Variants in NLGN1 observed in about 807,000 individuals in gnomAD.
NLGN1 encodes neuroligin 1.
A neutral mutation model predicts 65.5 loss-of-function variants in NLGN1; 12 were observed. The observed-to-expected ratio is 0.18, with a 90% CI of 0.12 to 0.30. The LOEUF (loss-of-function observed/expected upper bound fraction) is 0.30. NLGN1 is among the 10% of genes least tolerant of loss of function. The pLI is 1.00. For missense variants in NLGN1, 750 were observed against 1,007.1 expected, an observed-to-expected ratio of 0.74 and a Z score of 3.46; for synonymous variants, 350 against 359.5, an observed-to-expected ratio of 0.97 and a Z score of 0.30.
At chr3:174,027,105 G>A (rs1283621799) in intron 4 of NLGN1, among the ~76,000 whole-genome samples, 1 of 150,398 alleles carries the variant, frequency 6.6e-6, no homozygotes, top group African/African-American at 2.4e-5. Flanking sequence ...AAAAAAAGCA[G>A]TAAAAATAGA....
rs1057054450 is a variant in NLGN1, at chr3:173,521,959, G to T, written c.-320-82320G>T. Among the ~76,000 whole-genome samples the T allele has an allele frequency of 5.3e-5, 8 of 152,168 alleles. No homozygotes were observed. In the South Asian group the frequency reaches 1.7e-3, roughly 32 times the overall value. On this transcript the variant is annotated intron_variant, in intron 2 of 6. Coordinates refer to ENST00000457714, the Ensembl canonical transcript of NLGN1. ...ATTAAATTACATTTTATATTCAGGG[G>T]TTACATGTTCAGGTTATAACCATAG...
intron 4 of NLGN1, among the ~76,000 whole-genome samples, chr3:173,867,914 A>C (rs569268710): frequency 1.2e-4 from 18 of 152,288 alleles, no homozygotes; most frequent in Non-Finnish European, 2.2e-4. Flanking sequence ...CTTGCTCTAG[A>C]TATAACAGCT....
intron 4 of NLGN1, among the ~76,000 whole-genome samples, chr3:174,125,963 A>G (rs780908579): frequency 6.6e-6 from 1 of 152,136 alleles, no homozygotes; most frequent in Non-Finnish European, 1.5e-5. Context: ...ATCATGCAAG[A>G]CCTTTTACAT....
At chr3:173,602,131 A>T (rs28557413) in intron 2 of NLGN1, among the ~76,000 whole-genome samples, 1 of 151,966 alleles carries the variant, frequency 6.6e-6, no homozygotes, top group African/African-American at 2.4e-5. Flanking sequence ...GTTCCTCATG[A>T]GTAAGAAGGG....
At chr3:173,982,266 T>C (rs988865216) in intron 4 of NLGN1, among the ~76,000 whole-genome samples, 3 of 152,104 alleles carry the variant, frequency 2.0e-5, no homozygotes, top group Non-Finnish European at 4.4e-5. Flanking sequence ...TAAAAGAAAA[T>C]ACTTAATTCT....
intron 4 of NLGN1, among the ~76,000 whole-genome samples, chr3:174,134,599 AGGCTGAAGCAT>A (rs1720862849): frequency 6.6e-6 from 1 of 152,154 alleles, no homozygotes; most frequent in South Asian, 2.1e-4. Flanking sequence ...TTACATGAAG[AGGCTGAAGCAT>A]GTGAAGTAGT....
At chr3:174,094,425 C>T (rs970177652) in intron 4 of NLGN1, among the ~76,000 whole-genome samples, 2 of 151,808 alleles carry the variant, frequency 1.3e-5, no homozygotes, top group African/African-American at 4.8e-5. Flanking sequence ...TGTGGCTCAA[C>T]ACAAATTCGT....
chr3:173,577,661 G>A (rs1412991017), intron 2 of NLGN1, among the ~76,000 whole-genome samples: 1 of 152,130 alleles, frequency 6.6e-6, no homozygotes, highest in Non-Finnish European at 1.5e-5. Flanking sequence ...TTGTCATTCT[G>A]TTTAACTAAA....
At position 173,646,292 on chromosome 3, in the gene NLGN1, T is replaced by A. The variant is rs1502491; in HGVS notation, c.493+41201T>A. Among the ~76,000 whole-genome samples, 974 of 152,304 alleles carry A rather than the reference T, an allele frequency of 6.4e-3. 14 individuals carry two copies. Among genetic ancestry groups the A allele is most frequent in the African/African-American group, 0.022 (928 of 41,554 alleles). Reference sequence around the variant, plus strand: ...AAGACCTTTTGGAGGCTGGAATAATTAATCACCAGTAGAAAGTAGGACTAA... The same window carrying A: ...AAGACCTTTTGGAGGCTGGAATAATAAATCACCAGTAGAAAGTAGGACTAA... On this transcript the variant is annotated intron_variant, in intron 3 of 6. Transcript: ENST00000457714.
At chr3:174,194,263 C>T (rs1222610450) in intron 4 of NLGN1, among the ~76,000 whole-genome samples, 1 of 151,970 alleles carries the variant, frequency 6.6e-6, no homozygotes, top group Non-Finnish European at 1.5e-5. Context: ...TCAAGACCAT[C>T]CTAGCCAACA....
intron 3 of NLGN1, among the ~76,000 whole-genome samples, chr3:173,736,899 G>A (rs1168930080): frequency 6.6e-6 from 1 of 151,934 alleles, no homozygotes; most frequent in African/African-American, 2.4e-5. Flanking sequence ...TTAATTATGA[G>A]CAATATTGGT....
At chr3:173,813,266 G>A (rs1032695963) in intron 4 of NLGN1, among the ~76,000 whole-genome samples, 2 of 152,018 alleles carry the variant, frequency 1.3e-5, no homozygotes, top group African/African-American at 4.8e-5. Flanking sequence ...GTTTCTGTCT[G>A]ACTCTTTCAA....
intron 4 of NLGN1, among the ~76,000 whole-genome samples, chr3:173,969,330 A>G (rs1025116882): frequency 6.6e-6 from 1 of 152,164 alleles, no homozygotes; most frequent in Non-Finnish European, 1.5e-5. Context: ...TCCTAGTACT[A>G]AATTCTAAAT....
intron 4 of NLGN1, among the ~76,000 whole-genome samples, chr3:173,932,847 C>T (rs1385526355): frequency 6.6e-6 from 1 of 152,076 alleles, no homozygotes; most frequent in Non-Finnish European, 1.5e-5. Flanking sequence ...TGTGACTCAT[C>T]CCAGACACTG....
In NLGN1 at chr3:173,559,206, G is replaced by A. The variant is rs139737344; in HGVS notation, c.-320-45073G>A. ...TACACTGTGATTTCTCTCAATTTTC[G>A]GCCCCTTTTCCACTACTGGTTTCTT... On this transcript the variant is annotated intron_variant, in intron 2 of 6. Coordinates refer to ENST00000457714, the Ensembl canonical transcript of NLGN1. Among the ~76,000 whole-genome samples the A allele has an allele frequency of 1.1e-3, 170 of 152,090 alleles. 1 individual carries two copies. Among genetic ancestry groups the A allele is most frequent in the African/African-American group, 3.8e-3 (158 of 41,478 alleles).
chr3:173,507,609 A>T (rs1560356473), intron 2 of NLGN1, among the ~76,000 whole-genome samples: 1 of 152,014 alleles, frequency 6.6e-6, no homozygotes, highest in African/African-American at 2.4e-5. Flanking sequence ...TAAATGTAGA[A>T]TTTTTTATAT....
chr3:174,045,153 C>T (rs1733271685), intron 4 of NLGN1, among the ~76,000 whole-genome samples: 1 of 152,128 alleles, frequency 6.6e-6, no homozygotes, highest in Admixed American at 6.6e-5. Flanking sequence ...GCCCCACTAC[C>T]CAGTAACAAT....
intron 4 of NLGN1, among the ~76,000 whole-genome samples, chr3:173,934,192 G>A (rs1268125025): frequency 1.3e-5 from 2 of 149,536 alleles, no homozygotes; most frequent in Non-Finnish European, 3.0e-5. Context: ...GCATTCTGTG[G>A]CAGGTAAAAA....
At chr3:174,268,058 T>C (rs2152872313) in intron 4 of NLGN1, among the ~76,000 whole-genome samples, 1 of 152,298 alleles carries the variant, frequency 6.6e-6, no homozygotes, top group South Asian at 2.1e-4. Context: ...TTCTGAAGTA[T>C]ATAGTTCCTG....
Sources: gnomAD v4.1 joint callset for allele counts (sites outside exome capture counted in the v4.1 genomes callset) on GRCh38, gnomAD v4.1.1 for gene constraint, MANE v1.5 for transcripts, NCBI Gene and HGNC (gene_info 2026-07-23, HGNC 2026-07-21) for gene names.